Variants in NFIA observed in about 807,000 individuals in gnomAD.
The protein encoded by NFIA is nuclear factor I A, also known as nuclear factor 1 A-type.
NFIA carries 8 observed loss-of-function variants against 62.8 expected under a neutral mutation model. That is an observed-to-expected ratio of 0.13 (90% confidence interval 0.07 to 0.23). The LOEUF is 0.23. NFIA is among the 10% of genes least tolerant of loss of function. The probability of loss-of-function intolerance (pLI) is 1.00; values close to 1 mark genes in which losing one functional copy is unlikely to be tolerated. For synonymous variants in NFIA, 235 were observed against 238.1 expected, an observed-to-expected ratio of 0.99 and a Z score of 0.12; for missense variants, 410 against 642.1, an observed-to-expected ratio of 0.64 and a Z score of 3.91.
chr1:61,187,582 CAGAA>C (rs1368140645), intron 2 of NFIA, among the ~76,000 whole-genome samples: 2 of 152,224 alleles, frequency 1.3e-5, no homozygotes, highest in African/African-American at 4.8e-5. Context: ...AGAACAGTCT[CAGAA>C]AGATCTGTTC....
At chr1:61,258,301 G>A (rs1023400686) in intron 2 of NFIA, among the ~76,000 whole-genome samples, 11 of 152,162 alleles carry the variant, frequency 7.2e-5, no homozygotes, top group African/African-American at 2.4e-4. Flanking sequence ...GAGTGAGATA[G>A]GGTGTGGAAA....
At chr1:61,317,267 G>T (rs1230010835) in intron 3 of NFIA, among the ~76,000 whole-genome samples, 1 of 152,064 alleles carries the variant, frequency 6.6e-6, no homozygotes, top group Non-Finnish European at 1.5e-5. Flanking sequence ...TTGATCTCCT[G>T]CAAGTAAGAT....
chr1:61,431,985 T>A (rs1238699497), intron 10 of NFIA, among the ~76,000 whole-genome samples: 5 of 152,310 alleles, frequency 3.3e-5, no homozygotes, highest in African/African-American at 1.2e-4. Flanking sequence ...CTCCTCGAGT[T>A]GTTCAAAGTC....
intron 2 of NFIA, among the ~76,000 whole-genome samples, chr1:61,095,006 A>T (rs1646385956): frequency 6.6e-6 from 1 of 152,138 alleles, no homozygotes; most frequent in East Asian, 1.9e-4. Context: ...GTTCATTTGT[A>T]TTGTGTATTT....
chr1:61,394,284 C>T (rs1665156971), intron 7 of NFIA, among the ~76,000 whole-genome samples: 1 of 152,204 alleles, frequency 6.6e-6, no homozygotes, highest in African/African-American at 2.4e-5. Context: ...AGCAATTCTC[C>T]TACCTCAGCC....
chr1:61,209,116 G>A (rs905374266), intron 2 of NFIA, among the ~76,000 whole-genome samples: 1 of 151,882 alleles, frequency 6.6e-6, no homozygotes, highest in South Asian at 2.1e-4. Flanking sequence ...AAACACAAGA[G>A]TTTTGTTTTT....
At chr1:61,433,312 C>T (rs1337647354) in intron 10 of NFIA, among the ~76,000 whole-genome samples, 1 of 152,186 alleles carries the variant, frequency 6.6e-6, no homozygotes, top group Non-Finnish European at 1.5e-5. Flanking sequence ...TATTAGTCTG[C>T]ATCTGTGGGA....
chr1:61,406,400 G>A (rs1665820697), intron 8 of NFIA, among the ~76,000 whole-genome samples, 162 bp from the exon 9 acceptor site: 1 of 152,154 alleles, frequency 6.6e-6, no homozygotes, highest in South Asian at 2.1e-4. Context: ...CCCAACAATG[G>A]ACATTTCCGT....
chr1:61,287,711 G>A, intron 3 of NFIA, among the ~76,000 whole-genome samples: 1 of 151,770 alleles, frequency 6.6e-6, no homozygotes, highest in East Asian at 1.9e-4. Context: ...GATAAACAGT[G>A]AATAATTTTT....
At chr1:61,197,261 CGGA>C (rs1448308302) in intron 2 of NFIA, among the ~76,000 whole-genome samples, 2 of 105,360 alleles carry the variant, frequency 1.9e-5, no homozygotes, top group Non-Finnish European at 3.5e-5. Flanking sequence ...TTTTTTGAGA[CGGA>C]GTCTCTCTGT....
At position 61,151,350 on chromosome 1, in the gene NFIA, C is replaced by T. The variant is rs533757993; in HGVS notation, c.559+62670C>T. ...TCAGCCTCCCAAGTAGCTGGGACTA[C>T]AGGCTTGCACCACCGTGCCTGGCTA... On this transcript the variant is annotated intron_variant, in intron 2 of 10. Transcript: ENST00000403491. Among the ~76,000 whole-genome samples, 6 of 150,982 alleles carry T rather than the reference C, an allele frequency of 4.0e-5. No individual in the cohort carries two copies. In the East Asian group the frequency reaches 1.2e-3, roughly 29 times the overall value.
chr1:61,093,266 T>C (rs1646352031), intron 2 of NFIA, among the ~76,000 whole-genome samples: 3 of 152,132 alleles, frequency 2.0e-5, no homozygotes, highest in South Asian at 4.1e-4. Context: ...TAGTAGAAAG[T>C]TGTGCAGTTA....
chr1:61,417,450 C>A (rs763808211), intron 9 of NFIA, among the ~76,000 whole-genome samples: 1 of 151,234 alleles, frequency 6.6e-6, no homozygotes, highest in African/African-American at 2.4e-5. Context: ...TTCTTCTAAC[C>A]TATGGAGTAT....
chr1:61,422,018 T>A (rs544477355), intron 9 of NFIA, among the ~76,000 whole-genome samples: 4 of 152,250 alleles, frequency 2.6e-5, no homozygotes, highest in Admixed American at 2.6e-4. Flanking sequence ...TCCCAGCACT[T>A]TGGGAGGCCA....
At chr1:61,263,133 T>C (rs1056919891) in intron 2 of NFIA, among the ~76,000 whole-genome samples, 1 of 152,244 alleles carries the variant, frequency 6.6e-6, no homozygotes, top group African/African-American at 2.4e-5. Flanking sequence ...TCCTTTGACT[T>C]TGTTTTTCCC....
At chr1:61,291,105 T>C (rs535936367) in intron 3 of NFIA, among the ~76,000 whole-genome samples, 18 of 152,314 alleles carry the variant, frequency 1.2e-4, no homozygotes, top group African/African-American at 4.1e-4. Flanking sequence ...CACTGGTTAA[T>C]AGCCTTTAAC....
intron 9 of NFIA, among the ~76,000 whole-genome samples, chr1:61,407,177 C>A (rs1665882168): frequency 6.6e-6 from 1 of 152,106 alleles, no homozygotes; most frequent in Admixed American, 6.5e-5. Context: ...ATGTCTAGAT[C>A]AAAGCACCAA....
upstream of NFIA, among the ~76,000 whole-genome samples, chr1:61,080,771 AG>A (rs1447286503): frequency 2.0e-5 from 3 of 152,182 alleles, no homozygotes; most frequent in African/African-American, 7.2e-5. Flanking sequence ...TTCAGGAGGG[AG>A]GGTGGGAGAG....
At chr1:61,262,706 ACACACT>A (rs1047657796) in intron 2 of NFIA, among the ~76,000 whole-genome samples, 1 of 151,768 alleles carries the variant, frequency 6.6e-6, no homozygotes, top group African/African-American at 2.4e-5. Flanking sequence ...GAAAATGAAA[ACACACT>A]CAGTGATTTT....
Sources: gnomAD v4.1 joint callset for allele counts (sites outside exome capture counted in the v4.1 genomes callset) on GRCh38, gnomAD v4.1.1 for gene constraint, MANE v1.5 for transcripts, NCBI Gene and HGNC (gene_info 2026-07-23, HGNC 2026-07-21) for gene names.